Variants in LRFN2 observed in about 807,000 individuals in gnomAD.
The protein encoded by LRFN2 is leucine-rich repeat and fibronectin type-III domain-containing protein 2.
A neutral mutation model predicts 37.3 loss-of-function variants in LRFN2; 18 were observed. The ratio of observed to expected loss-of-function variants is 0.48; its 90% CI spans 0.33 to 0.72. The LOEUF (loss-of-function observed/expected upper bound fraction) is 0.72. Ranked by LOEUF, LRFN2 falls within the 30% of genes least tolerant of loss-of-function variation. The probability of loss-of-function intolerance (pLI) is 0.02; values close to 1 mark genes in which losing one functional copy is unlikely to be tolerated. For missense variants in LRFN2, 1,006 were observed against 1,060.7 expected, an observed-to-expected ratio of 0.95 and a Z score of 0.72; for synonymous variants, 556 against 466.6, an observed-to-expected ratio of 1.19 and a Z score of -2.47.
chr6:40,535,451 T>C (rs1581783300), intron 1 of LRFN2, among the ~76,000 whole-genome samples: 1 of 152,142 alleles, frequency 6.6e-6, no homozygotes, highest in Non-Finnish European at 1.5e-5. Flanking sequence ...GTATGGACTG[T>C]CCCTGCCATT....
chr6:40,578,292 T>G (rs912189395), intron 1 of LRFN2, among the ~76,000 whole-genome samples: 7 of 152,102 alleles, frequency 4.6e-5, no homozygotes, highest in Admixed American at 3.3e-4. Flanking sequence ...GATCCCAACA[T>G]GCATAAGGGC....
intron 2 of LRFN2, among the ~76,000 whole-genome samples, chr6:40,409,566 A>G (rs147059285): frequency 0.023 from 3,516 of 152,318 alleles, 60 homozygotes; most frequent in Middle Eastern, 0.11. Context: ...CTAGCTGAGC[A>G]ATCTTGAACA....
At chr6:40,482,269 C>G (rs971743600) in intron 1 of LRFN2, among the ~76,000 whole-genome samples, 1 of 152,192 alleles carries the variant, frequency 6.6e-6, no homozygotes. Flanking sequence ...CTTGGAAGGA[C>G]GTGAATAGAA....
At chr6:40,464,593 A>T (rs1387914125) in intron 1 of LRFN2, among the ~76,000 whole-genome samples, 1 of 152,180 alleles carries the variant, frequency 6.6e-6, no homozygotes, top group Non-Finnish European at 1.5e-5. Context: ...GTATTCTGTG[A>T]TGGCAGCATA....
intron 1 of LRFN2, among the ~76,000 whole-genome samples, chr6:40,461,431 A>G (rs1288084789): frequency 6.6e-6 from 1 of 152,052 alleles, no homozygotes; most frequent in Non-Finnish European, 1.5e-5. Context: ...TAAAAACTAA[A>G]AAAAAGAAAT....
At chr6:40,414,493 G>A (rs1043895535) in intron 2 of LRFN2, among the ~76,000 whole-genome samples, 4 of 152,144 alleles carry the variant, frequency 2.6e-5, no homozygotes, top group East Asian at 1.9e-4. Flanking sequence ...TACGTGGCAT[G>A]GAATAATTTC....
Position 40,432,158 on chromosome 6 carries a change from A to G in LRFN2, c.956T>C (p.Leu319Pro). The change falls in exon 2 of 3, where the codon CTT becomes CCT. Residue 319 changes from leucine to proline, a missense_variant. Physicochemically the swap from Leu to Pro is moderately conservative, Grantham distance 98. This residue lies in a region of LRFN2 where 303 missense variants were observed against 299.8 expected (regional missense o/e 1.01). Coordinates refer to ENST00000338305, the MANE Select transcript of LRFN2 (RefSeq NM_020737.3). Reference sequence around the variant, plus strand: ...GTCATCGGGGGCTACCCAGTGGATAAGGGGGCTGGGGTCCCCAATGGCTTT... The same window carrying G: ...GTCATCGGGGGCTACCCAGTGGATAGGGGGGCTGGGGTCCCCAATGGCTTT... ...KCKAIGDPSP[L>P]IHWVAPDDRL... 2 of 1,613,782 alleles carry G rather than the reference A, an allele frequency of 1.2e-6. No individual in the cohort carries two copies. Among genetic ancestry groups the G allele is most frequent in the Non-Finnish European group, 1.7e-6 (2 of 1,180,002 alleles).
intron 1 of LRFN2, among the ~76,000 whole-genome samples, chr6:40,437,446 G>T (rs1763712324): frequency 5.9e-5 from 9 of 152,150 alleles, no homozygotes; most frequent in Admixed American, 5.9e-4. Context: ...AGAGCCCATT[G>T]TTTCAAACAG....
At chr6:40,543,659 G>A (rs2113917784) in intron 1 of LRFN2, among the ~76,000 whole-genome samples, 1 of 152,338 alleles carries the variant, frequency 6.6e-6, no homozygotes, top group South Asian at 2.1e-4. Flanking sequence ...TCAAAGGAAA[G>A]GGATTATAAT....
chr6:40,482,287 C>A (rs918827824), intron 1 of LRFN2, among the ~76,000 whole-genome samples: 1 of 152,182 alleles, frequency 6.6e-6, no homozygotes, highest in Non-Finnish European at 1.5e-5. Context: ...GAACCAGACC[C>A]GGATGACAAG....
intron 1 of LRFN2, among the ~76,000 whole-genome samples, chr6:40,534,253 G>C (rs114362010): frequency 0.014 from 2,202 of 152,282 alleles, 17 homozygotes; most frequent in Middle Eastern, 0.02. Flanking sequence ...CTGTGAGATG[G>C]GCTCAATGAA....
At chr6:40,527,829 C>T (rs1402762997) in intron 1 of LRFN2, among the ~76,000 whole-genome samples, 1 of 152,094 alleles carries the variant, frequency 6.6e-6, no homozygotes, top group Non-Finnish European at 1.5e-5. Context: ...AATTTGGGGC[C>T]AAGTTCAGTT....
intron 1 of LRFN2, among the ~76,000 whole-genome samples, chr6:40,583,395 C>A (rs1427868623): frequency 2.0e-5 from 3 of 152,142 alleles, no homozygotes; most frequent in African/African-American, 7.2e-5. Flanking sequence ...CCTGTTTCTG[C>A]AGGTTCTTAA....
At chr6:40,556,045 C>A (rs532977414) in intron 1 of LRFN2, among the ~76,000 whole-genome samples, 1 of 152,208 alleles carries the variant, frequency 6.6e-6, no homozygotes, top group Admixed American at 6.5e-5. Context: ...CACACGCCGA[C>A]CGTCACTGTC....
chr6:40,521,035 T>G (rs1368494058), intron 1 of LRFN2, among the ~76,000 whole-genome samples: 1 of 151,970 alleles, frequency 6.6e-6, no homozygotes, highest in Non-Finnish European at 1.5e-5. Flanking sequence ...AGACTCCAAG[T>G]CCTTCCTTCA....
At chr6:40,492,120 G>A (rs532547726) in intron 1 of LRFN2, among the ~76,000 whole-genome samples, 31 of 152,320 alleles carry the variant, frequency 2.0e-4, no homozygotes, top group African/African-American at 7.2e-4. Flanking sequence ...TCAAGGAAAG[G>A]GACCCTGTGG....
intron 1 of LRFN2, among the ~76,000 whole-genome samples, chr6:40,554,178 A>T (rs1192007731): frequency 2.6e-5 from 4 of 152,194 alleles, no homozygotes. Flanking sequence ...CATGAGATAT[A>T]CTAAAGCACA....
intron 1 of LRFN2, among the ~76,000 whole-genome samples, chr6:40,492,869 A>G (rs1765125264): frequency 6.6e-6 from 1 of 152,108 alleles, no homozygotes; most frequent in Non-Finnish European, 1.5e-5. Flanking sequence ...CAGAAGGAAA[A>G]AGAAATTCCC....
chr6:40,531,779 G>T (rs1055891300), intron 1 of LRFN2, among the ~76,000 whole-genome samples: 7 of 152,162 alleles, frequency 4.6e-5, no homozygotes, highest in South Asian at 4.2e-4. Flanking sequence ...TTCTGTGTGA[G>T]CTGTCACATA....
Sources: gnomAD v4.1 joint callset for allele counts (sites outside exome capture counted in the v4.1 genomes callset) on GRCh38, gnomAD v4.1.1 for gene constraint, gnomAD v4.1.1 regional missense constraint, MANE v1.5 for transcripts, NCBI Gene and HGNC (gene_info 2026-07-23, HGNC 2026-07-21) for gene names.